DNAH14: variants seen among roughly 807,000 people sequenced by gnomAD.
The protein encoded by DNAH14 is dynein axonemal heavy chain 14.
In DNAH14, 478 loss-of-function variants were observed where a neutral mutation model predicts 520.9. The observed-to-expected ratio is 0.92, with a 90% CI of 0.85 to 0.99. The LOEUF (loss-of-function observed/expected upper bound fraction) is 0.99, where lower values mean the gene tolerates loss of function less well. Among genes scored for constraint, DNAH14 ranks in the 50% least tolerant of loss-of-function variants. The probability of loss-of-function intolerance (pLI) is 0.00; values close to 1 mark genes in which losing one functional copy is unlikely to be tolerated. For missense variants in DNAH14, 4,831 were observed against 5,234.5 expected (o/e 0.92, Z 2.38); for synonymous variants, 1,581 against 1,757.2 (o/e 0.90, Z 2.51).
At position 225,223,535 on chromosome 1, in the gene DNAH14, C is replaced by G. The variant is rs569555498; in HGVS notation, c.6440-7538C>G. Among the ~76,000 whole-genome samples the G allele has an allele frequency of 3.9e-5, 6 of 152,194 alleles. No individual in the cohort carries two copies. The South Asian group carries it at 1.2e-3, about 32-fold the overall frequency. ...TGGAATTCGCCCATTTTTGTCATTC[C>G]CAAAAGATCTGGCAAATGGAGACTT... On this transcript the variant is annotated intron_variant, in intron 41 of 85. Transcript: ENST00000682510.
In DNAH14 at chr1:225,007,403, A is replaced by G; in HGVS notation, c.976-10A>G. On this transcript the variant is annotated splice_polypyrimidine_tract_variant and intron_variant, in intron 9 of 85. Transcript: ENST00000682510. ...TTTCTAACACTGAACATTTACTATC[A>G]TCTAATTAGCTGGATAGTTCTCGAA... The G allele has an allele frequency of 1.3e-6, 2 of 1,510,308 alleles. No homozygotes were observed. Among genetic ancestry groups the G allele is most frequent in the Non-Finnish European group, 1.8e-6 (2 of 1,127,360 alleles). 93.6% of individuals were successfully genotyped at this position (1,510,308 alleles called of 1,614,324 possible).
At chr1:224,987,383 A>G (rs1444645049) in intron 8 of DNAH14, among the ~76,000 whole-genome samples, 1 of 152,186 alleles carries the variant, frequency 6.6e-6, no homozygotes, top group African/African-American at 2.4e-5. Flanking sequence ...TTCAGGCCAC[A>G]ATGGATTGGA....
chr1:225,212,980 G>A (rs752866303), intron 41 of DNAH14, among the ~76,000 whole-genome samples: 36 of 152,038 alleles, frequency 2.4e-4, no homozygotes, highest in Non-Finnish European at 4.3e-4. Context: ...TGAAGTCCTT[G>A]CCCATGCCTA....
At chr1:225,129,933 A>G (rs1471374820) in intron 27 of DNAH14, among the ~76,000 whole-genome samples, 1 of 152,244 alleles carries the variant, frequency 6.6e-6, no homozygotes, top group African/African-American at 2.4e-5. Context: ...ACAAAGGGCT[A>G]ATATCCAGAA....
intron 50 of DNAH14, 26 bp from the exon 51 acceptor site, chr1:225,271,880 C>T (rs2093324348): frequency 6.5e-7 from 1 of 1,529,976 alleles, no homozygotes; most frequent in African/African-American, 1.4e-5. Context: ...TTTTGGCAAG[C>T]TAAATTATAA....
At position 225,259,290 on chromosome 1, in the gene DNAH14, T is replaced by G. The variant is rs889594223; in HGVS notation, c.7157+37T>G. On this transcript the variant is annotated intron_variant, in intron 46 of 85. Transcript: ENST00000682510. ...TAACTTCTAAATTTGATTTGTCTGA[T>G]TTTAAAAAGTGTGCTTTAATATATA... The G allele has an allele frequency of 3.0e-6, 4 of 1,328,318 alleles. No homozygotes were observed. In the African/African-American group the frequency reaches 6.2e-5, roughly 20 times the overall value. 82.3% of individuals were successfully genotyped at this position (1,328,318 alleles called of 1,614,324 possible).
intron 38 of DNAH14, among the ~76,000 whole-genome samples, chr1:225,196,764 G>A (rs781473282): frequency 4.6e-5 from 7 of 152,182 alleles, no homozygotes; most frequent in Non-Finnish European, 8.8e-5. Flanking sequence ...CTGATAATTA[G>A]TGATGTTGAG....
intron 48 of DNAH14, 71 bp from the exon 49 acceptor site, chr1:225,266,570 A>T (rs1425006379): frequency 3.3e-6 from 4 of 1,205,960 alleles, no homozygotes; most frequent in Non-Finnish European, 4.3e-6. Context: ...CCCCAACCAT[A>T]ATATTCCTAA....
At chr1:225,339,851 C>T (rs1294736172) in intron 68 of DNAH14, among the ~76,000 whole-genome samples, 1 of 152,146 alleles carries the variant, frequency 6.6e-6, no homozygotes, top group Non-Finnish European at 1.5e-5. Context: ...GCTGACACCA[C>T]CCTGCTCCAC....
chr1:225,315,255 A>T (rs984764146), intron 60 of DNAH14, among the ~76,000 whole-genome samples: 6 of 151,564 alleles, frequency 4.0e-5, no homozygotes, highest in African/African-American at 7.3e-5. Flanking sequence ...GGTATGCTTC[A>T]CGAAGTTTTC....
At chr1:224,952,908 G>A (rs986374000) in intron 2 of DNAH14, 129 bp downstream of exon 2, 3 of 628,016 alleles carry the variant, frequency 4.8e-6, no homozygotes, top group African/African-American at 3.8e-5. Flanking sequence ...TGATTCTAGA[G>A]TTTAGAAAAC....
chr1:225,362,223 A>C (rs2095500006), intron 75 of DNAH14, among the ~76,000 whole-genome samples: 1 of 152,238 alleles, frequency 6.6e-6, no homozygotes, highest in African/African-American at 2.4e-5. Flanking sequence ...AGTCTTAATA[A>C]GAGTAATTAA....
chr1:225,079,276 A>AT lies in DNAH14; in HGVS notation c.2501dup (p.Leu834PhefsTer10). 6.5e-7 allele frequency: 1 copy of AT among 1,548,886 alleles called. No individual in the cohort carries two copies. The highest frequency in any genetic ancestry group is 2.0e-5 in the Admixed American group (1 of 50,182). ...AATAGAAGAATTTCTGGAGCATTTT[A>AT]TTTTTTTGAATGCAATTTCCTCAAA... is the stretch of plus-strand genomic sequence containing the variant. On this transcript the variant is annotated frameshift_variant, in exon 18 of 86. Transcript: ENST00000682510. LOFTEE classifies it high-confidence loss of function.
chr1:225,161,209 T>C (rs1292413776), intron 35 of DNAH14, among the ~76,000 whole-genome samples: 1 of 152,190 alleles, frequency 6.6e-6, no homozygotes, highest in Non-Finnish European at 1.5e-5. Flanking sequence ...CCTTCTACTC[T>C]GTGTCTCCGT....
At chr1:225,089,734 T>C (rs1271466618) in intron 21 of DNAH14, among the ~76,000 whole-genome samples, 2 of 152,164 alleles carry the variant, frequency 1.3e-5, no homozygotes. Context: ...ACAGAAGATA[T>C]TCTCAGTACA....
intron 60 of DNAH14, among the ~76,000 whole-genome samples, chr1:225,310,135 CAG>C (rs1037448815): frequency 2.6e-4 from 39 of 151,798 alleles, no homozygotes; most frequent in African/African-American, 8.7e-4. Context: ...AAAATTGATA[CAG>C]AGAAATTCAT....
At chr1:225,354,037 C>G in intron 73 of DNAH14, 149 bp downstream of exon 73, 1 of 666,718 alleles carries the variant, frequency 1.5e-6, no homozygotes, top group South Asian at 1.7e-5. Context: ...AGCACCTACG[C>G]CTCCCCTTAA....
intron 48 of DNAH14, 82 bp from the exon 49 acceptor site, chr1:225,266,559 A>G (rs2093126587): frequency 1.8e-6 from 2 of 1,094,948 alleles, no homozygotes; most frequent in South Asian, 5.3e-5. Flanking sequence ...ATTTGTGCTT[A>G]CCCCAACCAT....
chr1:225,107,908 T>G (rs1443677649), intron 23 of DNAH14, among the ~76,000 whole-genome samples: 2 of 152,208 alleles, frequency 1.3e-5, no homozygotes, highest in African/African-American at 2.4e-5. Context: ...AATAAACACT[T>G]TTTCATATAC....
Sources: gnomAD v4.1 joint callset for allele counts (sites outside exome capture counted in the v4.1 genomes callset) on GRCh38, gnomAD v4.1.1 for gene constraint, MANE v1.5 for transcripts, NCBI Gene and HGNC (gene_info 2026-07-23, HGNC 2026-07-21) for gene names.